The following RBFOX1 variants were observed in gnomAD, a reference collection of about 807,000 sequenced individuals.
RBFOX1 encodes RNA binding protein fox-1 homolog 1.
Under a neutral mutation model 57.7 loss-of-function variants are expected in RBFOX1, and 8 were observed. That is an observed-to-expected ratio of 0.14 (90% CI 0.08 to 0.25). RBFOX1 has a LOEUF of 0.25. RBFOX1 is among the 10% of genes least tolerant of loss of function. The pLI is 1.00. For missense variants in RBFOX1, 611 were observed against 548.5 expected, an observed-to-expected ratio of 1.11 and a Z score of -1.14; for synonymous variants, 326 against 222.4, an observed-to-expected ratio of 1.47 and a Z score of -4.15.
At chr16:6,948,698 A>G (rs1448976475) in intron 3 of RBFOX1, among the ~76,000 whole-genome samples, 1 of 152,122 alleles carries the variant, frequency 6.6e-6, no homozygotes, top group Non-Finnish European at 1.5e-5. Flanking sequence ...CAGTCTTATC[A>G]GAAACTCCCT....
At chr16:5,626,462 C>T (rs1328640130) in intron 3 of RBFOX1, among the ~76,000 whole-genome samples, 2 of 152,160 alleles carry the variant, frequency 1.3e-5, no homozygotes, top group Admixed American at 6.5e-5. Flanking sequence ...TTTCAAGACC[C>T]TGTCCTTGAT....
intron 4 of RBFOX1, among the ~76,000 whole-genome samples, chr16:7,480,707 G>A (rs1051649697): frequency 6.6e-6 from 1 of 152,282 alleles, no homozygotes; most frequent in South Asian, 2.1e-4. Context: ...TTCTGCTGCC[G>A]AGAAATCTTC....
intron 3 of RBFOX1, among the ~76,000 whole-genome samples, chr16:5,814,261 C>G (rs2055540045): frequency 6.6e-6 from 1 of 152,060 alleles, no homozygotes. Flanking sequence ...ATCACTGTTA[C>G]CTTGCATGCT....
At chr16:6,784,024 T>G (rs1454570935) in intron 3 of RBFOX1, among the ~76,000 whole-genome samples, 1 of 152,138 alleles carries the variant, frequency 6.6e-6, no homozygotes, top group Non-Finnish European at 1.5e-5. Context: ...TTGGACTTCT[T>G]TATATTTTCT....
chr16:6,011,877 G>A (rs980196704), intron 4 of RBFOX1, among the ~76,000 whole-genome samples: 1 of 152,144 alleles, frequency 6.6e-6, no homozygotes, highest in Non-Finnish European at 1.5e-5. Context: ...GTTAGTTTGA[G>A]GTAAAATGGT....
At chr16:7,287,706 T>G (rs1040983749) in intron 4 of RBFOX1, among the ~76,000 whole-genome samples, 2 of 152,216 alleles carry the variant, frequency 1.3e-5, no homozygotes, top group African/African-American at 2.4e-5. Context: ...TTTGGGTGTT[T>G]CCTCAAAGCT....
At chr16:5,561,155 G>C (rs2045877319) in intron 2 of RBFOX1, among the ~76,000 whole-genome samples, 1 of 152,164 alleles carries the variant, frequency 6.6e-6, no homozygotes, top group South Asian at 2.1e-4. Flanking sequence ...AAAATGGGTA[G>C]ACATGGCTTG....
intron 3 of RBFOX1, among the ~76,000 whole-genome samples, chr16:6,685,979 G>C (rs1316140460): frequency 6.6e-6 from 1 of 152,136 alleles, no homozygotes; most frequent in Non-Finnish European, 1.5e-5. Flanking sequence ...AAACCAAGCA[G>C]GTTCTGTCTA....
chr16:6,249,768 T>C (rs891202529), intron 1 of RBFOX1, among the ~76,000 whole-genome samples: 3 of 58,492 alleles, frequency 5.1e-5, no homozygotes, highest in African/African-American at 1.6e-4. Flanking sequence ...TTCACATTTT[T>C]TTTCTTTTTT....
intron 2 of RBFOX1, among the ~76,000 whole-genome samples, chr16:6,445,566 T>G (rs2094467404): frequency 6.9e-6 from 1 of 144,792 alleles, no homozygotes; most frequent in Non-Finnish European, 1.5e-5. Context: ...AACTCCTTTT[T>G]TTTTTTTTTT....
intron 10 of RBFOX1, among the ~76,000 whole-genome samples, chr16:7,612,937 C>G (rs1314362445): frequency 6.6e-6 from 1 of 152,144 alleles, no homozygotes; most frequent in African/African-American, 2.4e-5. Flanking sequence ...ACCACTTGAA[C>G]ACACATAACT....
At chr16:6,448,181 A>T (rs71392476) in intron 2 of RBFOX1, among the ~76,000 whole-genome samples, 3,262 of 26,180 alleles carry the variant, frequency 0.12, 60 homozygotes, top group Non-Finnish European at 0.16. Flanking sequence ...TTTTTTTGAG[A>T]TGGAATCCTG....
chr16:5,334,969 A>G (rs1050960810), intron 1 of RBFOX1, among the ~76,000 whole-genome samples: 1 of 152,090 alleles, frequency 6.6e-6, no homozygotes, highest in African/African-American at 2.4e-5. Flanking sequence ...TGTAGTATAG[A>G]CTTCAAGTAG....
chr16:5,870,966 A>C (rs2057454904), intron 4 of RBFOX1, among the ~76,000 whole-genome samples: 1 of 152,194 alleles, frequency 6.6e-6, no homozygotes, highest in South Asian at 2.1e-4. Context: ...AAAGAATGAC[A>C]AACCCACAGA....
chr16:6,101,232 T>G (rs2096303886), intron 1 of RBFOX1, among the ~76,000 whole-genome samples: 1 of 152,174 alleles, frequency 6.6e-6, no homozygotes, highest in Non-Finnish European at 1.5e-5. Flanking sequence ...TTTCCCCTTC[T>G]CTGTCCTCAA....
intron 2 of RBFOX1, among the ~76,000 whole-genome samples, chr16:6,391,378 C>T (rs992120359): frequency 3.3e-5 from 5 of 151,910 alleles, no homozygotes; most frequent in South Asian, 2.1e-4. Context: ...GGCATGGCGG[C>T]GGGCACCTGT....
intron 4 of RBFOX1, among the ~76,000 whole-genome samples, chr16:6,008,037 C>G (rs916742382): frequency 4.6e-5 from 7 of 152,058 alleles, no homozygotes; most frequent in African/African-American, 1.7e-4. Context: ...AACCTCATCT[C>G]TACTGAAAAC....
chr16:7,108,605 G>C (rs1478696), intron 4 of RBFOX1, among the ~76,000 whole-genome samples: 55,065 of 151,968 alleles, frequency 0.36, 10,287 homozygotes, highest in South Asian at 0.4. Context: ...ATTTGTTAGA[G>C]ATATGATTAA....
intron 3 of RBFOX1, among the ~76,000 whole-genome samples, chr16:6,987,198 A>G (rs1447866991): frequency 5.3e-5 from 8 of 152,098 alleles, no homozygotes; most frequent in Non-Finnish European, 1.5e-5. Context: ...CCAAGTCTTG[A>G]TTACCCATAA....
Sources: allele counts gnomAD v4.1 joint callset (sites outside exome capture counted in the v4.1 genomes callset), GRCh38; gene constraint gnomAD v4.1.1; transcripts MANE v1.5; gene names NCBI Gene and HGNC (gene_info 2026-07-23, HGNC 2026-07-21).